Variants in PCDHA9 observed in about 807,000 individuals in gnomAD.
The protein encoded by PCDHA9 is protocadherin alpha 9, also known as protocadherin alpha-9.
PCDHA9 carries 62 observed loss-of-function variants against 62.0 expected under a neutral mutation model. That is an observed-to-expected ratio of 1.00 (90% CI 0.81 to 1.23). The LOEUF is 1.23. Among genes scored for constraint, PCDHA9 ranks in the 50% most tolerant of loss-of-function variants. The pLI is 0.00. For missense variants in PCDHA9, 1,205 were observed against 1,249.8 expected, an observed-to-expected ratio of 0.96 and a Z score of 0.54; for synonymous variants, 557 against 567.6, an observed-to-expected ratio of 0.98 and a Z score of 0.27.
In PCDHA9 at chr5:140,858,243, C is replaced by T. The variant is rs781796341; in HGVS notation, c.2394+7354C>T. On this transcript the variant is annotated intron_variant, in intron 1 of 3. Transcript: ENST00000532602. ...GCGCCCACCGAGGGCGCATGTGGGC[C>T]GGTGAAGCCCACGCTGGTGTGCTCT... The T allele has an allele frequency of 6.9e-6, 11 of 1,595,896 alleles. No homozygotes were observed. The highest frequency in any genetic ancestry group is 6.9e-6 in the Non-Finnish European group (8 of 1,165,828).
intron 1 of PCDHA9, chr5:140,883,965 T>C: frequency 6.2e-7 from 1 of 1,613,128 alleles, no homozygotes; most frequent in Non-Finnish European, 8.5e-7. Flanking sequence ...CCGGCGCTGC[T>C]GACGCCCGGG....
intron 1 of PCDHA9, among the ~76,000 whole-genome samples, chr5:140,956,666 G>T (rs1232573740): frequency 6.6e-6 from 1 of 152,088 alleles, no homozygotes; most frequent in African/African-American, 2.4e-5. Flanking sequence ...GGCCTTAAAG[G>T]AGTTAGGGAG....
chr5:140,869,828 T>G, intron 1 of PCDHA9: 2 of 1,611,962 alleles, frequency 1.2e-6, no homozygotes, highest in South Asian at 2.2e-5. Context: ...GATCCAGAGT[T>G]TGATAAATCA....
chr5:140,853,230 G>T, intron 1 of PCDHA9: 1 of 982,608 alleles, frequency 1.0e-6, no homozygotes. Flanking sequence ...TGGTAATTTA[G>T]TCCTTCATAT....
chr5:140,870,678 G>A (rs1304914174), intron 1 of PCDHA9: 3 of 1,612,744 alleles, frequency 1.9e-6, no homozygotes, highest in Non-Finnish European at 2.5e-6. Context: ...TGGACCACGA[G>A]GAGCTGGAGC....
intron 1 of PCDHA9, 22 bp from the exon 2 acceptor site, chr5:140,978,924 GAAA>G (rs781894146): frequency 6.2e-7 from 1 of 1,614,012 alleles, no homozygotes; most frequent in East Asian, 2.2e-5. Flanking sequence ...CATTTTAACA[GAAA>G]ACTCTCTTTG....
Position 140,979,003 on chromosome 5 carries a change from C to G in PCDHA9, c.2449C>G (p.His817Asp). ...RYSASLRAGM[H>D]SSVHLEEAGI... Reference sequence around the variant, plus strand: ...CTCTGCCTCCCTGAGAGCAGGCATGCACAGGTATGTATTTCCCTCCTCATT... The same window carrying G: ...CTCTGCCTCCCTGAGAGCAGGCATGGACAGGTATGTATTTCCCTCCTCATT... The change falls in exon 2 of 4, where the codon CAC becomes GAC. Residue 817 changes from histidine (H) to aspartate (D), a missense_variant. By Grantham distance (81) the His-to-Asp change is moderately conservative. Transcript: ENST00000532602. 1.2e-6 allele frequency: 2 copies of G among 1,614,144 alleles called. No homozygotes were observed. The highest frequency in any genetic ancestry group is 1.7e-6 in the Non-Finnish European group (2 of 1,180,022).
chr5:140,941,286 CTCTT>C (rs5871754), intron 1 of PCDHA9, among the ~76,000 whole-genome samples: 36,780 of 106,460 alleles, frequency 0.35, 6,423 homozygotes, highest in East Asian at 0.56. Flanking sequence ...TCCTTCCTTT[CTCTT>C]TCTTTCTTTC....
intron 1 of PCDHA9, chr5:140,863,562 G>T: frequency 5.3e-6 from 2 of 376,150 alleles, no homozygotes; most frequent in South Asian, 4.2e-5. Flanking sequence ...AAATTTTTGA[G>T]AATATAAGTA....
chr5:140,891,409 C>A (rs1295005747), intron 1 of PCDHA9, among the ~76,000 whole-genome samples: 1 of 148,202 alleles, frequency 6.7e-6, no homozygotes. Flanking sequence ...CGCCACCCCC[C>A]ACTCTTGCCC....
intron 1 of PCDHA9, chr5:140,857,618 C>T: frequency 6.3e-7 from 1 of 1,596,552 alleles, no homozygotes; most frequent in Non-Finnish European, 8.6e-7. Flanking sequence ...GCCGCTGGAC[C>T]ACGAGGAGCT....
At chr5:140,980,409 A>C (rs782265012) in intron 2 of PCDHA9, among the ~76,000 whole-genome samples, 3 of 152,188 alleles carry the variant, frequency 2.0e-5, no homozygotes, top group Non-Finnish European at 4.4e-5. Flanking sequence ...AGGTGGGCAG[A>C]TCATGAGGTC....
chr5:140,965,976 G>A (rs2095953776), intron 1 of PCDHA9, among the ~76,000 whole-genome samples: 1 of 152,154 alleles, frequency 6.6e-6, no homozygotes, highest in Non-Finnish European at 1.5e-5. Context: ...CCTAGGAGTT[G>A]AGCACTTTCT....
intron 1 of PCDHA9, chr5:140,929,324 T>C (rs781810168): frequency 1.2e-5 from 19 of 1,540,130 alleles, no homozygotes; most frequent in Non-Finnish European, 3.5e-6. Context: ...GTCAATGCCA[T>C]GGTAAGCAAA....
intron 1 of PCDHA9, chr5:140,863,441 C>T (rs1430733740): frequency 1.0e-5 from 6 of 601,724 alleles, no homozygotes; most frequent in Non-Finnish European, 1.9e-5. Context: ...TCTGGTCTTA[C>T]TCGCAGCAAA....
intron 3 of PCDHA9, among the ~76,000 whole-genome samples, chr5:141,002,682 G>C (rs536105955): frequency 6.6e-6 from 1 of 152,140 alleles, no homozygotes; most frequent in African/African-American, 2.4e-5. Context: ...CCTATACGAC[G>C]TGCAGATTTG....
At chr5:140,872,588 C>G (rs995645358) in intron 1 of PCDHA9, among the ~76,000 whole-genome samples, 4 of 151,876 alleles carry the variant, frequency 2.6e-5, no homozygotes, top group African/African-American at 2.4e-5. Context: ...CATCGTGAGA[C>G]CCCCATCTGA....
chr5:140,874,053 CAATTT>C (rs1290519215), intron 1 of PCDHA9, among the ~76,000 whole-genome samples: 1 of 152,190 alleles, frequency 6.6e-6, no homozygotes, highest in Non-Finnish European at 1.5e-5. Flanking sequence ...TGATATTAGA[CAATTT>C]AAATAATTAG....
intron 1 of PCDHA9, among the ~76,000 whole-genome samples, chr5:140,924,902 A>AAAAAAAT (rs1554202311): frequency 2.8e-4 from 11 of 39,026 alleles, no homozygotes; most frequent in Non-Finnish European, 5.7e-4. Context: ...CTCAAAAAAA[A>AAAAAAAT]AAATAAAATA....
Sources: allele counts gnomAD v4.1 joint callset (sites outside exome capture counted in the v4.1 genomes callset), GRCh38; gene constraint gnomAD v4.1.1; transcripts MANE v1.5; gene names NCBI Gene and HGNC (gene_info 2026-07-23, HGNC 2026-07-21).